Variants in KIF24 observed in about 807,000 individuals in gnomAD.
The protein encoded by KIF24 is kinesin-like protein KIF24.
Under a neutral mutation model 118.9 loss-of-function variants are expected in KIF24, and 81 were observed. That is an observed-to-expected ratio of 0.68 (90% confidence interval 0.57 to 0.82). The LOEUF is 0.82. Ranked by LOEUF, KIF24 falls within the 40% of genes least tolerant of loss-of-function variation. The pLI is 0.00. For missense variants in KIF24, 1,560 were observed against 1,661.6 expected, an observed-to-expected ratio of 0.94 and a Z score of 1.06; for synonymous variants, 599 against 610.0, an observed-to-expected ratio of 0.98 and a Z score of 0.27.
chr9:34,333,227 G>A (rs1460388166), upstream of KIF24, among the ~76,000 whole-genome samples: 1 of 152,112 alleles, frequency 6.6e-6, no homozygotes, highest in Non-Finnish European at 1.5e-5. Context: ...GTCTTCTTCG[G>A]ATACCAGGAT....
At chr9:34,308,330 C>T (rs1277409661) in intron 2 of KIF24, among the ~76,000 whole-genome samples, 1 of 150,228 alleles carries the variant, frequency 6.7e-6, no homozygotes. Context: ...GTCACCCAGG[C>T]TGGAGTGCAG....
chr9:34,309,313 G>A (rs1199901305), intron 2 of KIF24, among the ~76,000 whole-genome samples: 13 of 152,010 alleles, frequency 8.6e-5, no homozygotes, highest in African/African-American at 2.9e-4. Context: ...AGGCTGAGGC[G>A]GGTGGATCAC....
At chr9:34,311,710 G>A (rs957621446) in intron 1 of KIF24, among the ~76,000 whole-genome samples, 3 of 138,406 alleles carry the variant, frequency 2.2e-5, no homozygotes, top group South Asian at 4.5e-4. Context: ...ACATATATAC[G>A]TATATATGTA....
At position 34,254,166 on chromosome 9, in the gene KIF24, A is replaced by G. The variant is rs992723275; in HGVS notation, c.*214T>C. ...TTCGGCCTGGCCCACCCTTGGAGGC[A>G]CTCCTGTGCATGGAACTGAGGGACA... is the stretch of plus-strand genomic sequence containing the variant. On this transcript the variant is annotated 3_prime_UTR_variant, in exon 13 of 13. Transcript: ENST00000402558. The G allele has an allele frequency of 1.1e-5, 5 of 437,340 alleles. No homozygotes were observed. The highest frequency in any genetic ancestry group is 2.0e-5 in the Non-Finnish European group (5 of 249,926). The allele number at this position is 437,340 out of a possible 1,614,324, so 27.1% of individuals were successfully genotyped here. A position where few individuals can be genotyped will look rare whatever the true frequency, so the allele number is the denominator to read the frequency against.
At chr9:34,321,563 T>A (rs1295930434) in intron 1 of KIF24, among the ~76,000 whole-genome samples, 2 of 120,830 alleles carry the variant, frequency 1.7e-5, no homozygotes, top group Admixed American at 9.8e-5. Flanking sequence ...CCGATAGCAT[T>A]AAAAAAAAAA....
intron 6 of KIF24, among the ~76,000 whole-genome samples, chr9:34,277,063 CT>C (rs1477977944): frequency 6.6e-6 from 1 of 152,116 alleles, no homozygotes; most frequent in East Asian, 1.9e-4. Context: ...TTCTCAAACT[CT>C]TTTTTTTCTT....
Position 34,254,452 on chromosome 9 carries a change from C to T in KIF24, c.4035G>A (p.Leu1345=). 7 of 1,613,948 alleles carry T rather than the reference C, an allele frequency of 4.3e-6. No homozygotes were observed. Among genetic ancestry groups the T allele is most frequent in the Non-Finnish European group, 5.9e-6 (7 of 1,179,876 alleles). The change falls in exon 13 of 13, where the codon CTG becomes CTA. Residue 1345 remains leucine (L), a synonymous_variant. Transcript: ENST00000402558. ...TGAGATAGAGCTGCAGCTGGCTCCT[C>T]AGACTCTGGATACACTTGGATTTCA... ...MVLKSKCIQS[L]RSQLQLYLTC...
chr9:34,296,584 TTATC>T (rs979569594), intron 4 of KIF24, among the ~76,000 whole-genome samples: 9 of 152,080 alleles, frequency 5.9e-5, no homozygotes, highest in Non-Finnish European at 1.2e-4. Flanking sequence ...TGATATTCAC[TTATC>T]TATCTGATTC....
chr9:34,306,127 C>T, intron 3 of KIF24, 125 bp downstream of exon 3: 3 of 677,462 alleles, frequency 4.4e-6, no homozygotes, highest in South Asian at 3.8e-5. Flanking sequence ...AATGTCAACA[C>T]CCGAACCAGA....
Position 34,317,606 on chromosome 9 carries a change from T to C in KIF24, c.-25-6235A>G, listed in dbSNP as rs1401766856. On this transcript the variant is annotated intron_variant, in intron 1 of 12. Transcript: ENST00000402558. Reference sequence around the variant, plus strand: ...GTAGCACGATTAAAATCTCTCACAATACTGGCTCCCCTTTCCTGGAATGTC... The same window carrying C: ...GTAGCACGATTAAAATCTCTCACAACACTGGCTCCCCTTTCCTGGAATGTC... Among the ~76,000 whole-genome samples the C allele has an allele frequency of 2.6e-5, 4 of 152,210 alleles. No individual in the cohort carries two copies. The East Asian group carries it at 7.7e-4, about 29-fold the overall frequency.
chr9:34,311,223 TGGA>T lies in KIF24; in HGVS notation c.121_123del (p.Ser41del). On this transcript the variant is annotated inframe_deletion, in exon 2 of 13. Transcript: ENST00000402558. ...TCGTTCATGTCATGGACTCCTAATTTGGAGTAGTCCTTCATTGTAATCTTGGCT... is the reference window on the plus strand; with the variant it reads ...TCGTTCATGTCATGGACTCCTAATTTGTAGTCCTTCATTGTAATCTTGGCT... The T allele has an allele frequency of 6.2e-7, 1 of 1,612,638 alleles. No homozygotes were observed. Among genetic ancestry groups the T allele is most frequent in the Non-Finnish European group, 8.5e-7 (1 of 1,178,920 alleles).
At chr9:34,271,713 C>T (rs1835515307) in intron 7 of KIF24, 96 bp downstream of exon 7, 2 of 1,333,730 alleles carry the variant, frequency 1.5e-6, no homozygotes, top group Non-Finnish European at 1.0e-6. Context: ...ATGAAGAACT[C>T]CATGGTAGCA....
intron 8 of KIF24, among the ~76,000 whole-genome samples, chr9:34,264,085 CTTCTAT>C (rs1470088312): frequency 6.6e-6 from 1 of 151,840 alleles, no homozygotes; most frequent in African/African-American, 2.4e-5. Flanking sequence ...GAGGAGAGAC[CTTCTAT>C]TTCTGAGTGA....
At chr9:34,273,268 C>T (rs868217750) in intron 6 of KIF24, among the ~76,000 whole-genome samples, 13 of 151,350 alleles carry the variant, frequency 8.6e-5, no homozygotes, top group African/African-American at 3.2e-4. Context: ...TCAAGCAATC[C>T]TCCCACCTCG....
intron 4 of KIF24, among the ~76,000 whole-genome samples, chr9:34,291,624 A>T (rs1836258459): frequency 6.6e-6 from 1 of 152,228 alleles, no homozygotes; most frequent in Non-Finnish European, 1.5e-5. Flanking sequence ...TTGGGAGACC[A>T]GCCTGTCAAT....
intron 6 of KIF24, among the ~76,000 whole-genome samples, chr9:34,276,776 T>C (rs1355749341): frequency 2.0e-5 from 3 of 152,214 alleles, no homozygotes; most frequent in Non-Finnish European, 4.4e-5. Flanking sequence ...TGCTAATTTA[T>C]AAAGCTAGAT....
At chr9:34,327,524 G>T (rs1237066122) in intron 1 of KIF24, among the ~76,000 whole-genome samples, 2 of 152,250 alleles carry the variant, frequency 1.3e-5, no homozygotes, top group East Asian at 3.9e-4. Context: ...TAAGAAAAAT[G>T]TAATATGCAT....
chr9:34,294,367 C>T (rs1230298594), intron 4 of KIF24, among the ~76,000 whole-genome samples: 1 of 152,032 alleles, frequency 6.6e-6, no homozygotes, highest in Admixed American at 6.6e-5. Flanking sequence ...AATGTTCTGG[C>T]CATCATGGAG....
Position 34,259,595 on chromosome 9 carries a change from C to G in KIF24, c.1625+1G>C. 3 of 1,611,156 alleles carry G rather than the reference C, an allele frequency of 1.9e-6. No homozygotes were observed. The highest frequency in any genetic ancestry group is 2.5e-6 in the Non-Finnish European group (3 of 1,177,416). ...AACCTGCCATCTGGGAGCTGACTTACCGGTCAGCATAGCGCAAGGTGTTGA... is the reference window on the plus strand; with the variant it reads ...AACCTGCCATCTGGGAGCTGACTTAGCGGTCAGCATAGCGCAAGGTGTTGA... On this transcript the variant is annotated splice_donor_variant, in intron 10 of 12. Coordinates refer to ENST00000402558, the MANE Select transcript of KIF24 (RefSeq NM_194313.4). LOFTEE classifies it high-confidence loss of function.
Sources: allele counts gnomAD v4.1 joint callset (sites outside exome capture counted in the v4.1 genomes callset), GRCh38; gene constraint gnomAD v4.1.1; transcripts MANE v1.5; gene names NCBI Gene and HGNC (gene_info 2026-07-23, HGNC 2026-07-21).